Variants in GMEB1 observed in about 807,000 individuals in gnomAD.
The protein encoded by GMEB1 is glucocorticoid modulatory element binding protein 1.
A neutral mutation model predicts 52.4 loss-of-function variants in GMEB1; 6 were observed. The observed-to-expected ratio is 0.11, with a 90% CI of 0.06 to 0.23. The LOEUF is 0.23. Among genes scored for constraint, GMEB1 ranks in the 10% least tolerant of loss-of-function variants. The pLI, the probability that GMEB1 is intolerant of heterozygous loss-of-function variation, is 1.00. For synonymous variants in GMEB1, 255 were observed against 244.9 expected, an observed-to-expected ratio of 1.04 and a Z score of -0.38; for missense variants, 486 against 685.6, an observed-to-expected ratio of 0.71 and a Z score of 3.25.
At chr1:28,708,290 G>A (rs987416219) in intron 8 of GMEB1, among the ~76,000 whole-genome samples, 5 of 151,130 alleles carry the variant, frequency 3.3e-5, no homozygotes, top group South Asian at 2.1e-4. Context: ...TCAGCCTCCC[G>A]AGTAGCTGGT....
In GMEB1 at chr1:28,714,721, A is replaced by G. The variant is rs750870709; in HGVS notation, c.1640A>G (p.Glu547Gly). Reference sequence around the variant, plus strand: ...GAGGAGAAAGTTGTGGCTGAGATGGAAGAACACCAGCATCAAGTTCACAAT... The same window carrying G: ...GAGGAGAAAGTTGTGGCTGAGATGGGAGAACACCAGCATCAAGTTCACAAT... ...RTEEKVVAEM[E>G]EHQHQVHNVE... Residue 547 changes from glutamate (E) to glycine (G), a missense_variant, in exon 10 of 10, where the codon GAA becomes GGA. Around this residue, in one of 5 missense-constraint regions of GMEB1, gnomAD observed 153 missense variants for 200.8 expected, o/e 0.76. Transcript: ENST00000373816. The G allele has an allele frequency of 2.5e-6, 4 of 1,614,016 alleles. No homozygotes were observed. The highest frequency in any genetic ancestry group is 3.4e-6 in the Non-Finnish European group (4 of 1,180,004).
intron 1 of GMEB1, among the ~76,000 whole-genome samples, chr1:28,682,966 T>C (rs1489306611): frequency 1.3e-5 from 2 of 152,188 alleles, no homozygotes; most frequent in African/African-American, 4.8e-5. Flanking sequence ...TTAGTGTCAC[T>C]AAACTCGAAG....
At chr1:28,670,467 A>C (rs888669766) in intron 1 of GMEB1, among the ~76,000 whole-genome samples, 1 of 152,150 alleles carries the variant, frequency 6.6e-6, no homozygotes, top group African/African-American at 2.4e-5. Flanking sequence ...AGCTGGGGCT[A>C]CAGGCGCCCG....
intron 8 of GMEB1, among the ~76,000 whole-genome samples, chr1:28,706,340 C>T (rs535390184): frequency 2.0e-4 from 31 of 152,110 alleles, no homozygotes; most frequent in Non-Finnish European, 4.0e-4. Context: ...CGTTGTGGCT[C>T]ACGCCTGTAA....
chr1:28,687,991 A>G (rs1289429863), intron 2 of GMEB1, among the ~76,000 whole-genome samples: 1 of 152,100 alleles, frequency 6.6e-6, no homozygotes, highest in Non-Finnish European at 1.5e-5. Flanking sequence ...GGACTTCCAA[A>G]TGTATTTATT....
intron 2 of GMEB1, among the ~76,000 whole-genome samples, chr1:28,687,334 T>TCACACACACACA (rs1161076315): frequency 1.8e-5 from 1 of 54,086 alleles, no homozygotes; most frequent in African/African-American, 7.2e-5. Context: ...AGACCCTATC[T>TCACACACACACA]CACACACACA....
In GMEB1 at chr1:28,669,007, G is replaced by T. The variant is rs1233130003; in HGVS notation, c.-31+168G>T. On this transcript the variant is annotated intron_variant, in intron 1 of 9. Coordinates refer to ENST00000373816, the MANE Select transcript of GMEB1 (RefSeq NM_001319674.2). Reference sequence around the variant, plus strand: ...CCCTGTGCGTGCCGCCGCCGCCGCCGGGGAGCGAGCGGACGTCGCGGCGCC... The same window carrying T: ...CCCTGTGCGTGCCGCCGCCGCCGCCTGGGAGCGAGCGGACGTCGCGGCGCC... Among the ~76,000 whole-genome samples, 6 of 145,034 alleles carry T rather than the reference G, an allele frequency of 4.1e-5. No individual in the cohort carries two copies. In the East Asian group the frequency reaches 1.0e-3, roughly 24 times the overall value.
chr1:28,669,490 C>T (rs763882876), intron 1 of GMEB1, among the ~76,000 whole-genome samples: 1 of 152,002 alleles, frequency 6.6e-6, no homozygotes, highest in Non-Finnish European at 1.5e-5. Flanking sequence ...CCAGCTTATC[C>T]CGAGGGGCGC....
rs1345942864 is a variant in GMEB1, at chr1:28,716,929, A to C, written c.*2156A>C. ...AGGAAAAATATAGAGATACAGGGAAACTACAGACAAATTTAAGGAAAAATA... is the reference window on the plus strand; with the variant it reads ...AGGAAAAATATAGAGATACAGGGAACCTACAGACAAATTTAAGGAAAAATA... On this transcript the variant is annotated 3_prime_UTR_variant, in exon 10 of 10. Coordinates refer to ENST00000373816, the MANE Select transcript of GMEB1 (RefSeq NM_001319674.2). The C allele has an allele frequency of 2.0e-5, 3 of 152,172 alleles. No homozygotes were observed. The highest frequency in any genetic ancestry group is 4.4e-5 in the Non-Finnish European group (3 of 68,036). The allele number at this position is 152,172 out of a possible 1,614,324, so 9.4% of individuals were successfully genotyped here.
At position 28,714,476 on chromosome 1, in the gene GMEB1, C is replaced by T; in HGVS notation, c.1395C>T (p.Ser465=). Residue 465 remains serine (S), a synonymous_variant, in exon 10 of 10, where the codon AGC becomes AGT. Coordinates refer to ENST00000373816, the MANE Select transcript of GMEB1 (RefSeq NM_001319674.2). ...CTTCATCTAGCTTGGCGCTGCTGAG[C>T]TCTACTGCCATGCAGGATGGGAGTA... ...IHPSSSLALL[S]STAMQDGSTL... 1 of 1,614,212 alleles carries T rather than the reference C, an allele frequency of 6.2e-7. No homozygotes were observed. The highest frequency in any genetic ancestry group is 8.5e-7 in the Non-Finnish European group (1 of 1,180,044).
chr1:28,692,830 T>A, intron 4 of GMEB1, 112 bp from the exon 5 acceptor site: 1 of 537,912 alleles, frequency 1.9e-6, no homozygotes, highest in Non-Finnish European at 3.4e-6. Flanking sequence ...AGGCTTAGGA[T>A]GTCATCTGGG....
chr1:28,670,776 G>T (rs1207621945), intron 1 of GMEB1, among the ~76,000 whole-genome samples: 1 of 152,036 alleles, frequency 6.6e-6, no homozygotes, highest in African/African-American at 2.4e-5. Context: ...CCCGGCGGGG[G>T]AAACTTATTC....
chr1:28,687,796 CTA>C (rs989542516), intron 2 of GMEB1, among the ~76,000 whole-genome samples: 7 of 150,556 alleles, frequency 4.6e-5, no homozygotes, highest in Non-Finnish European at 1.0e-4. Flanking sequence ...TGGTGACTGA[CTA>C]TGTGGAGTTG....
In GMEB1 at chr1:28,716,741, TGG is replaced by T. The variant is rs56214028; in HGVS notation, c.*1978_*1979del. 5.6e-4 allele frequency: 78 copies of T among 139,302 alleles called. No individual in the cohort carries two copies. Among genetic ancestry groups the T allele is most frequent in the African/African-American group, 1.4e-3 (53 of 38,444 alleles). 8.6% of individuals were successfully genotyped at this position (139,302 alleles called of 1,614,324 possible). A position where few individuals can be genotyped will look rare whatever the true frequency, so the allele number is the denominator to read the frequency against. ...ACCAGGAATGTCAATAATAATGCTT[TGG>T]GGGGGGGGGTTATTTTGTTTTGTTT... On this transcript the variant is annotated 3_prime_UTR_variant, in exon 10 of 10. Coordinates refer to ENST00000373816, the MANE Select transcript of GMEB1 (RefSeq NM_001319674.2).
chr1:28,703,613 T>C (rs536603357), intron 7 of GMEB1, among the ~76,000 whole-genome samples: 3 of 152,014 alleles, frequency 2.0e-5, no homozygotes, highest in East Asian at 1.9e-4. Context: ...TGAGCTGATA[T>C]CACGCCATTG....
intron 1 of GMEB1, among the ~76,000 whole-genome samples, chr1:28,680,551 A>G (rs749745345): frequency 1.9e-4 from 29 of 151,922 alleles, no homozygotes; most frequent in Non-Finnish European, 2.9e-4. Flanking sequence ...CCTGGCCAAT[A>G]TGGTGAAACC....
At position 28,702,557 on chromosome 1, in the gene GMEB1, G is replaced by A; in HGVS notation, c.718G>A (p.Glu240Lys). 1 of 1,613,578 alleles carries A rather than the reference G, an allele frequency of 6.2e-7. No homozygotes were observed. Among genetic ancestry groups the A allele is most frequent in the Non-Finnish European group, 8.5e-7 (1 of 1,179,724 alleles). Residue 240 changes from glutamate to lysine, a missense_variant, in exon 7 of 10, where the codon GAG becomes AAG. Coordinates refer to ENST00000373816, the MANE Select transcript of GMEB1 (RefSeq NM_001319674.2). The stretch of plus-strand genomic sequence containing the variant: ...GGAGGAGGGTGTAAAGAAAGACTCA[G>A]AGGAAATTTCAGGTATTCTTCTATA... ...ATEEGVKKDS[E>K]EISEDTLMFW... is the part of the protein sequence containing the mutation.
upstream of GMEB1, among the ~76,000 whole-genome samples, chr1:28,668,377 A>G (rs1465913914): frequency 6.6e-6 from 1 of 152,086 alleles, no homozygotes; most frequent in African/African-American, 2.4e-5. Context: ...TCTGATTGCA[A>G]ACTGATAGCT....
chr1:28,709,567 A>G (rs1309620235), intron 8 of GMEB1, among the ~76,000 whole-genome samples: 1 of 151,816 alleles, frequency 6.6e-6, no homozygotes, highest in African/African-American at 2.4e-5. Context: ...AACAGATGCA[A>G]GATATTAAAA....
Sources: gnomAD v4.1 joint callset for allele counts (sites outside exome capture counted in the v4.1 genomes callset) on GRCh38, gnomAD v4.1.1 for gene constraint, gnomAD v4.1.1 regional missense constraint, MANE v1.5 for transcripts, NCBI Gene and HGNC (gene_info 2026-07-23, HGNC 2026-07-21) for gene names.